Variants in AXDND1 observed in about 807,000 individuals in gnomAD.
AXDND1 encodes the protein axonemal dynein light chain domain-containing protein 1.
Under a neutral mutation model 137.5 loss-of-function variants are expected in AXDND1, and 110 were observed. The observed-to-expected ratio is 0.80, with a 90% CI of 0.69 to 0.94. The LOEUF is 0.94. Ranked by LOEUF, AXDND1 falls within the 40% of genes least tolerant of loss-of-function variation. The pLI, the probability that AXDND1 is intolerant of heterozygous loss-of-function variation, is 0.00. For missense variants in AXDND1, 1,191 were observed against 1,169.8 expected (o/e 1.02, Z -0.26); for synonymous variants, 414 against 399.7 (o/e 1.04, Z -0.43).
intron 21 of AXDND1, among the ~76,000 whole-genome samples, chr1:179,523,136 C>G (rs1056270250): frequency 7.2e-5 from 11 of 151,822 alleles, no homozygotes; most frequent in Admixed American, 2.0e-4. Flanking sequence ...TTCTGGCTGC[C>G]TTTTCAGGCT....
At chr1:179,480,799 C>G (rs1207606626) in intron 17 of AXDND1, among the ~76,000 whole-genome samples, 1 of 151,822 alleles carries the variant, frequency 6.6e-6, no homozygotes, top group African/African-American at 2.4e-5. Flanking sequence ...CCACTGTCAC[C>G]CTGCAGTGAC....
chr1:179,431,150 A>AT (rs1045606233), intron 14 of AXDND1, among the ~76,000 whole-genome samples: 46 of 150,944 alleles, frequency 3.0e-4, no homozygotes, highest in Admixed American at 1.3e-3. Context: ...ATTTAATTTT[A>AT]TTTTTTTTTG....
At chr1:179,537,301 G>A (rs1011278558) in intron 25 of AXDND1, among the ~76,000 whole-genome samples, 2 of 152,124 alleles carry the variant, frequency 1.3e-5, no homozygotes, top group Non-Finnish European at 2.9e-5. Context: ...AATGCTTCCA[G>A]TTTTTGCCCA....
intron 16 of AXDND1, chr1:179,448,626 G>A (rs1057228354): frequency 7.9e-6 from 2 of 251,888 alleles, no homozygotes; most frequent in Non-Finnish European, 1.6e-5. Flanking sequence ...TGGGCCCGCC[G>A]CCAGCGCTCC....
intron 17 of AXDND1, among the ~76,000 whole-genome samples, chr1:179,481,754 C>A (rs1665419308): frequency 6.6e-6 from 1 of 152,168 alleles, no homozygotes; most frequent in South Asian, 2.1e-4. Context: ...AGCATTTTTT[C>A]ATGTGTCTGT....
rs565522246 is a variant in AXDND1, at chr1:179,442,700, T to C, written c.1564-2270T>C. Among the ~76,000 whole-genome samples, 4 of 152,278 alleles carry C rather than the reference T, an allele frequency of 2.6e-5. No individual in the cohort carries two copies. The East Asian group carries it at 5.8e-4, about 22-fold the overall frequency. On this transcript the variant is annotated intron_variant, in intron 15 of 25. Coordinates refer to ENST00000367618, the MANE Select transcript of AXDND1 (RefSeq NM_144696.6). ...ACCTCTTTAGGGCACTGACCTTACA[T>C]CCGCTGCCGGCAGACTCATCCCGGG...
intron 25 of AXDND1, chr1:179,546,310 TAAAA>T (rs11299436): frequency 9.1e-5 from 13 of 143,634 alleles, no homozygotes; most frequent in Admixed American, 1.4e-4. Flanking sequence ...GTTAGGTGGT[TAAAA>T]AAAAAAAAAA....
intron 21 of AXDND1, 81 bp from the exon 22 acceptor site, chr1:179,525,253 T>C: frequency 7.4e-7 from 1 of 1,354,244 alleles, no homozygotes; most frequent in Non-Finnish European, 9.9e-7. Flanking sequence ...GCTGCAGGAT[T>C]AGTGCTCATT....
intron 20 of AXDND1, among the ~76,000 whole-genome samples, chr1:179,504,105 A>G (rs2125623480): frequency 6.6e-6 from 1 of 152,266 alleles, no homozygotes; most frequent in Admixed American, 6.5e-5. Context: ...AAGCAATAAT[A>G]TTTTACTATT....
chr1:179,535,392 G>A (rs1032458367), intron 25 of AXDND1, among the ~76,000 whole-genome samples: 1 of 151,950 alleles, frequency 6.6e-6, no homozygotes, highest in Non-Finnish European at 1.5e-5. Context: ...CCCCCTGACA[G>A]GCCCCAGTGT....
chr1:179,490,752 C>T (rs1459570179), intron 18 of AXDND1, among the ~76,000 whole-genome samples: 17 of 131,444 alleles, frequency 1.3e-4, no homozygotes, highest in Middle Eastern at 3.6e-3. Context: ...TTAATTTTCA[C>T]ACAGTACTTG....
At chr1:179,426,976 A>G (rs1203103146) in intron 12 of AXDND1, among the ~76,000 whole-genome samples, 1 of 152,128 alleles carries the variant, frequency 6.6e-6, no homozygotes, top group Non-Finnish European at 1.5e-5. Context: ...AGCCTGGCCA[A>G]CGTGGTAAAA....
chr1:179,451,541 C>G (rs1055522504), intron 16 of AXDND1: 2 of 152,050 alleles, frequency 1.3e-5, no homozygotes, highest in African/African-American at 2.4e-5. Context: ...TTTTTCTATT[C>G]TCTATTAATT....
rs116633488 is a variant in AXDND1 at position 179,503,721 on chromosome 1, C to G, written c.2389-5575C>G. On this transcript the variant is annotated intron_variant, in intron 20 of 25. Transcript: ENST00000367618. Reference sequence around the variant, plus strand: ...CCTCCCCCCTGCCCTCACCCCACAACAGTCCCCGGAGTGTGTGATGTTCCC... The same window carrying G: ...CCTCCCCCCTGCCCTCACCCCACAAGAGTCCCCGGAGTGTGTGATGTTCCC... Among the ~76,000 whole-genome samples, 762 of 152,090 alleles carry G rather than the reference C, an allele frequency of 5.0e-3. 8 individuals carry two copies. Among genetic ancestry groups the G allele is most frequent in the African/African-American group, 0.018 (735 of 41,470 alleles).
At position 179,480,605 on chromosome 1, in the gene AXDND1, G is replaced by A. The variant is rs149721367; in HGVS notation, c.1998-2523G>A. On this transcript the variant is annotated intron_variant, in intron 17 of 25. Coordinates refer to ENST00000367618, the MANE Select transcript of AXDND1 (RefSeq NM_144696.6). ...AGGCAGTTTCTGTTGCCTACCTGGTGTATATGTCACACTTTCTTGTTTCTT... is the reference window on the plus strand; with the variant it reads ...AGGCAGTTTCTGTTGCCTACCTGGTATATATGTCACACTTTCTTGTTTCTT... 1.0e-3 allele frequency among the ~76,000 whole-genome samples: 152 copies of A among 152,324 alleles called. 1 individual carries two copies. Among genetic ancestry groups the A allele is most frequent in the Admixed American group, 1.5e-3 (23 of 15,300 alleles).
chr1:179,415,278 G>A (rs1654526515), intron 12 of AXDND1, among the ~76,000 whole-genome samples: 1 of 152,104 alleles, frequency 6.6e-6, no homozygotes, highest in Admixed American at 6.5e-5. Context: ...GGAGGTGGAG[G>A]TTGCAGTGAG....
chr1:179,490,429 G>A (rs1203436037), intron 18 of AXDND1, among the ~76,000 whole-genome samples: 4 of 152,174 alleles, frequency 2.6e-5, no homozygotes, highest in South Asian at 4.1e-4. Flanking sequence ...CTGTCATGCA[G>A]AGGTTCTCAA....
chr1:179,506,837 A>G, intron 20 of AXDND1: 1 of 985,302 alleles, frequency 1.0e-6, no homozygotes. Flanking sequence ...CACCAGAGAT[A>G]GCACTGCCGG....
At chr1:179,380,899 C>G (rs895582247) in intron 6 of AXDND1, among the ~76,000 whole-genome samples, 2 of 152,092 alleles carry the variant, frequency 1.3e-5, no homozygotes, top group East Asian at 3.9e-4. Context: ...CTCATTTGCT[C>G]TTAAACATAC....
Sources: allele counts gnomAD v4.1 joint callset (sites outside exome capture counted in the v4.1 genomes callset), GRCh38; gene constraint gnomAD v4.1.1; transcripts MANE v1.5; gene names NCBI Gene and HGNC (gene_info 2026-07-23, HGNC 2026-07-21).